The following RGS7 variants were observed in gnomAD, a reference collection of about 807,000 sequenced individuals.
The protein encoded by RGS7 is regulator of G protein signaling 7, also known as regulator of G-protein signaling 7.
Under a neutral mutation model 81.1 loss-of-function variants are expected in RGS7, and 27 were observed. The observed-to-expected ratio is 0.33, with a 90% confidence interval of 0.25 to 0.46. The LOEUF (loss-of-function observed/expected upper bound fraction) is 0.46. RGS7 is among the 20% of genes least tolerant of loss of function. RGS7 has a pLI of 1.00. For missense variants in RGS7, 396 were observed against 607.4 expected (o/e 0.65, Z 3.66); for synonymous variants, 208 against 207.7 (o/e 1.00, Z -0.01).
Position 241,163,095 on chromosome 1 carries a change from G to T in RGS7, c.79-64333C>A, listed in dbSNP as rs1367534707. Reference sequence around the variant, plus strand: ...GCAGTGTCAGATTAAGCAGAGACAGGCTCCGTGGCCAGGAAGGCATAACCA... The same window carrying T: ...GCAGTGTCAGATTAAGCAGAGACAGTCTCCGTGGCCAGGAAGGCATAACCA... On this transcript the variant is annotated intron_variant, in intron 2 of 18. Transcript: ENST00000440928. This position sits in a 1 kb window ranked among gnomAD's most constrained non-coding sequence, Gnocchi z 4.6. Among the ~76,000 whole-genome samples, 2 of 152,150 alleles carry T rather than the reference G, an allele frequency of 1.3e-5. No individual in the cohort carries two copies.
chr1:240,949,199 A>G (rs114469377), intron 4 of RGS7, among the ~76,000 whole-genome samples: 3,640 of 152,048 alleles, frequency 0.024, 91 homozygotes, highest in African/African-American at 0.055. Flanking sequence ...TTATTTTCTC[A>G]CCTTTCAATT....
chr1:241,214,895 C>T (rs533184182), intron 2 of RGS7, among the ~76,000 whole-genome samples: 49 of 152,176 alleles, frequency 3.2e-4, no homozygotes, highest in African/African-American at 1.2e-3. Context: ...TTCCCCAATT[C>T]TTTATCCTAA....
At chr1:241,310,848 G>A (rs560407104) in intron 2 of RGS7, among the ~76,000 whole-genome samples, 2 of 152,112 alleles carry the variant, frequency 1.3e-5, no homozygotes, top group African/African-American at 4.8e-5. Context: ...GGGTTCACTT[G>A]GCTATCAGGA....
chr1:241,152,102 A>G (rs1231782854), intron 2 of RGS7, among the ~76,000 whole-genome samples: 1 of 151,702 alleles, frequency 6.6e-6, no homozygotes, highest in Admixed American at 6.6e-5. Flanking sequence ...TGAAAAAAAG[A>G]GGACAAAATA....
chr1:241,285,116 C>T (rs1454766965), intron 2 of RGS7, among the ~76,000 whole-genome samples: 3 of 152,056 alleles, frequency 2.0e-5, no homozygotes, highest in Non-Finnish European at 2.9e-5. Flanking sequence ...GTGATCCACC[C>T]GCCTCAGCCT....
intron 3 of RGS7, among the ~76,000 whole-genome samples, chr1:241,080,627 T>G (rs2063078251): frequency 6.6e-6 from 1 of 152,198 alleles, no homozygotes; most frequent in African/African-American, 2.4e-5. Flanking sequence ...TTAGAAATAC[T>G]GAATTGTCCA....
intron 3 of RGS7, among the ~76,000 whole-genome samples, chr1:241,009,451 A>G (rs2058846445): frequency 1.3e-5 from 2 of 152,204 alleles, no homozygotes; most frequent in African/African-American, 4.8e-5. Context: ...TTTCAGGTTG[A>G]CAGAATGTAG....
chr1:240,894,920 G>C (rs1668800838), intron 6 of RGS7, among the ~76,000 whole-genome samples: 1 of 152,108 alleles, frequency 6.6e-6, no homozygotes, highest in African/African-American at 2.4e-5. Context: ...ATATAGTTTG[G>C]ATATTTGTCC....
At chr1:241,204,836 A>G (rs1271804436) in intron 2 of RGS7, among the ~76,000 whole-genome samples, 3 of 152,282 alleles carry the variant, frequency 2.0e-5, no homozygotes, top group African/African-American at 7.2e-5. Flanking sequence ...CAGTATCGAT[A>G]ATAAAATATT....
At chr1:241,274,589 G>T (rs2078092778) in intron 2 of RGS7, among the ~76,000 whole-genome samples, 1 of 152,100 alleles carries the variant, frequency 6.6e-6, no homozygotes, top group East Asian at 1.9e-4. Flanking sequence ...ATTAGCTGAG[G>T]CAGGAAAAGT....
rs1263832934 is a variant in RGS7, at chr1:240,870,134, A to T, written c.386-15T>A. 1.2e-6 allele frequency: 2 copies of T among 1,612,062 alleles called. No homozygotes were observed. Among genetic ancestry groups the T allele is most frequent in the South Asian group, 2.2e-5 (2 of 91,052 alleles). ...GAGGTAAACGGCTGAAAAAAAAATC[A>T]ATCATTTCTTGCCTGCTTATCAACA... On this transcript the variant is annotated splice_polypyrimidine_tract_variant and intron_variant, in intron 6 of 18. Transcript: ENST00000440928.
At chr1:241,089,931 T>C (rs965622152) in intron 3 of RGS7, among the ~76,000 whole-genome samples, 2 of 146,280 alleles carry the variant, frequency 1.4e-5, no homozygotes, top group African/African-American at 5.2e-5. Context: ...GAGGTGGAGC[T>C]TGAAGTGAGC....
chr1:240,784,632 T>C (rs1324734250), intron 18 of RGS7, among the ~76,000 whole-genome samples: 13 of 146,762 alleles, frequency 8.9e-5, no homozygotes, highest in African/African-American at 3.3e-4. Context: ...GGCAACAGAA[T>C]AAGACTCCGC....
At chr1:241,131,304 A>G (rs190638674) in intron 2 of RGS7, among the ~76,000 whole-genome samples, 6 of 152,354 alleles carry the variant, frequency 3.9e-5, no homozygotes, top group Middle Eastern at 3.4e-3. Flanking sequence ...CTAATCATTA[A>G]GATGAGGATG....
chr1:241,323,625 G>C (rs970919648), intron 2 of RGS7, among the ~76,000 whole-genome samples: 8 of 152,226 alleles, frequency 5.3e-5, no homozygotes, highest in Admixed American at 4.6e-4. Context: ...AGACAAAGTA[G>C]AGGGGGAAAG....
chr1:241,079,252 C>T (rs975334357), intron 3 of RGS7, among the ~76,000 whole-genome samples: 1 of 152,108 alleles, frequency 6.6e-6, no homozygotes. Context: ...GTGGATGCAC[C>T]TGAGTGCTGG....
At chr1:240,838,678 C>G (rs953445697) in intron 9 of RGS7, among the ~76,000 whole-genome samples, 3 of 152,114 alleles carry the variant, frequency 2.0e-5, no homozygotes, top group Admixed American at 6.5e-5. Context: ...CCCATGCATC[C>G]TCGCATTCTT....
intron 2 of RGS7, among the ~76,000 whole-genome samples, chr1:241,311,622 G>A (rs1352355657): frequency 1.3e-5 from 2 of 152,110 alleles, no homozygotes; most frequent in African/African-American, 4.8e-5. Context: ...TTGAGAAATG[G>A]GCGTTTTATA....
At chr1:241,133,410 A>C (rs1193005205) in intron 2 of RGS7, among the ~76,000 whole-genome samples, 3 of 152,038 alleles carry the variant, frequency 2.0e-5, no homozygotes, top group Admixed American at 2.0e-4. Context: ...CATACCTTAA[A>C]TTTATTAATG....
Sources: gnomAD v4.1 joint callset for allele counts (sites outside exome capture counted in the v4.1 genomes callset) on GRCh38, gnomAD v4.1.1 for gene constraint, Gnocchi (gnomAD v3.1) non-coding constraint, MANE v1.5 for transcripts, NCBI Gene and HGNC (gene_info 2026-07-23, HGNC 2026-07-21) for gene names.